The following PPIL4 variants were observed in gnomAD, a reference collection of about 807,000 sequenced individuals.
PPIL4 encodes the protein peptidylprolyl isomerase like 4, also known as peptidyl-prolyl cis-trans isomerase-like 4.
A neutral mutation model predicts 69.1 loss-of-function variants in PPIL4; 50 were observed. The ratio of observed to expected loss-of-function variants is 0.72; its 90% confidence interval spans 0.58 to 0.92. The LOEUF (loss-of-function observed/expected upper bound fraction) is 0.92. Ranked by LOEUF, PPIL4 falls within the 40% of genes least tolerant of loss-of-function variation. PPIL4 has a pLI of 0.00. For missense variants in PPIL4, 480 were observed against 587.9 expected, an observed-to-expected ratio of 0.82 and a Z score of 1.90; for synonymous variants, 193 against 191.6, an observed-to-expected ratio of 1.01 and a Z score of -0.06.
At chr6:149,544,621 T>A (rs1161283057) in intron 1 of PPIL4, among the ~76,000 whole-genome samples, 1 of 152,212 alleles carries the variant, frequency 6.6e-6, no homozygotes, top group Admixed American at 6.5e-5. Context: ...CTCAGGTAAC[T>A]CTGCTTAGAA....
intron 10 of PPIL4, among the ~76,000 whole-genome samples, chr6:149,519,204 T>TC (rs1249669065): frequency 6.6e-6 from 1 of 152,198 alleles, no homozygotes; most frequent in African/African-American, 2.4e-5. Context: ...AAACCAAATG[T>TC]AGGGTCTGTC....
At chr6:149,529,625 C>T (rs182104945) in intron 7 of PPIL4, among the ~76,000 whole-genome samples, 32 of 147,242 alleles carry the variant, frequency 2.2e-4, no homozygotes, top group African/African-American at 7.5e-4. Flanking sequence ...TAGCCGGGCG[C>T]GGTGGCACGT....
At chr6:149,511,810 A>C (rs372129961) in intron 12 of PPIL4, among the ~76,000 whole-genome samples, 32 of 152,308 alleles carry the variant, frequency 2.1e-4, no homozygotes, top group African/African-American at 7.5e-4. Flanking sequence ...TATACATAAC[A>C]CTTGGTGATA....
Position 149,504,895 on chromosome 6 carries a change from G to A in PPIL4, c.*558C>T, listed in dbSNP as rs1776744250. On this transcript the variant is annotated 3_prime_UTR_variant, in exon 13 of 13. Transcript: ENST00000253329. ...TAGTATATTTATATAATACTATATA[G>A]CAATAAAAATGAAAGAAAGTCACAG... 1 of 152,388 alleles carries A rather than the reference G, an allele frequency of 6.6e-6. No homozygotes were observed. Among genetic ancestry groups the A allele is most frequent in the Middle Eastern group, 3.4e-3 (1 of 294 alleles). The allele number at this position is 152,388 out of a possible 1,614,324, so 9.4% of individuals were successfully genotyped here. A position where few individuals can be genotyped will look rare whatever the true frequency, so the allele number is the denominator to read the frequency against.
intron 4 of PPIL4, among the ~76,000 whole-genome samples, chr6:149,539,059 C>G (rs553327154): frequency 7.9e-5 from 12 of 152,130 alleles, no homozygotes; most frequent in Admixed American, 6.5e-5. Flanking sequence ...ACTGGTCAGG[C>G]TGGTCACAAA....
intron 4 of PPIL4, among the ~76,000 whole-genome samples, chr6:149,537,125 CAAAAA>C (rs767886058): frequency 1.1e-5 from 1 of 91,536 alleles, no homozygotes. Context: ...GAATCTGTCT[CAAAAA>C]AAAAAAAAAA....
intron 4 of PPIL4, among the ~76,000 whole-genome samples, chr6:149,537,207 T>G (rs1777291535): frequency 6.6e-6 from 1 of 151,766 alleles, no homozygotes; most frequent in Admixed American, 6.6e-5. Context: ...GATGACTTCA[T>G]GAAATAACAA....
chr6:149,539,381 CTTATTTAT>C (rs554531179), intron 4 of PPIL4, among the ~76,000 whole-genome samples: 1 of 151,946 alleles, frequency 6.6e-6, no homozygotes, highest in Middle Eastern at 3.2e-3. Context: ...CTTCTGTTGT[CTTATTTAT>C]TTATTTATTT....
At chr6:149,530,408 C>A (rs968873664) in intron 7 of PPIL4, among the ~76,000 whole-genome samples, 1 of 150,328 alleles carries the variant, frequency 6.7e-6, no homozygotes, top group Non-Finnish European at 1.5e-5. Flanking sequence ...CACCTGTAAT[C>A]CCAGCACTTT....
chr6:149,512,140 G>T lies in PPIL4; in HGVS notation c.1227+15C>A. ...TATTTATTTCTCCACATCTAAGTCT[G>T]GACATTAGAGGTACCTGATTAGTAT... On this transcript the variant is annotated intron_variant, in intron 12 of 12. Coordinates refer to ENST00000253329, the MANE Select transcript of PPIL4 (RefSeq NM_139126.4). The T allele has an allele frequency of 6.3e-7, 1 of 1,578,222 alleles. No individual in the cohort carries two copies. The highest frequency in any genetic ancestry group is 8.6e-7 in the Non-Finnish European group (1 of 1,157,840).
At chr6:149,510,501 T>C (rs1269812350) in intron 12 of PPIL4, among the ~76,000 whole-genome samples, 2 of 152,162 alleles carry the variant, frequency 1.3e-5, no homozygotes, top group African/African-American at 4.8e-5. Flanking sequence ...CCCAGCACTT[T>C]GGGAGGCTGA....
At chr6:149,505,821 G>T in intron 12 of PPIL4, 117 bp from the exon 13 acceptor site, 2 of 796,958 alleles carry the variant, frequency 2.5e-6, no homozygotes, top group Non-Finnish European at 4.0e-6. Context: ...CAGCTTAAAT[G>T]TGAACACTAC....
chr6:149,511,243 A>AT (rs974723016), intron 12 of PPIL4, among the ~76,000 whole-genome samples: 11 of 150,104 alleles, frequency 7.3e-5, no homozygotes, highest in South Asian at 2.1e-4. Flanking sequence ...AAAAAAAAAA[A>AT]TTTTTTTTGG....
chr6:149,532,682 T>C (rs1777217047), intron 7 of PPIL4, among the ~76,000 whole-genome samples: 1 of 152,144 alleles, frequency 6.6e-6, no homozygotes, highest in Non-Finnish European at 1.5e-5. Context: ...GGCATTGTGG[T>C]GTGTGACTGT....
chr6:149,531,480 G>C (rs1476382168), intron 7 of PPIL4, among the ~76,000 whole-genome samples: 1 of 149,012 alleles, frequency 6.7e-6, no homozygotes, highest in Non-Finnish European at 1.5e-5. Flanking sequence ...AGGTTGCAGT[G>C]AGCCGAGATC....
chr6:149,543,323 A>G (rs1208539610), intron 1 of PPIL4, among the ~76,000 whole-genome samples: 3 of 152,242 alleles, frequency 2.0e-5, no homozygotes, highest in Non-Finnish European at 4.4e-5. Flanking sequence ...CACCCAGTAA[A>G]TAATCAGTCG....
chr6:149,524,832 C>T (rs1211915852), intron 9 of PPIL4, among the ~76,000 whole-genome samples: 3 of 151,640 alleles, frequency 2.0e-5, no homozygotes, highest in African/African-American at 4.9e-5. Context: ...AACCAGGAGG[C>T]GGAGGCTGCA....
At chr6:149,532,422 CA>C (rs1203893473) in intron 7 of PPIL4, among the ~76,000 whole-genome samples, 21 of 152,142 alleles carry the variant, frequency 1.4e-4, no homozygotes, top group African/African-American at 5.1e-4. Context: ...AATTGTTCAA[CA>C]TATCTTTCAA....
At chr6:149,519,358 T>C (rs1776994701) in intron 10 of PPIL4, among the ~76,000 whole-genome samples, 1 of 152,200 alleles carries the variant, frequency 6.6e-6, no homozygotes, top group Admixed American at 6.5e-5. Context: ...AGCAGAGCTC[T>C]ACATAAGAGC....
Sources: gnomAD v4.1 joint callset for allele counts (sites outside exome capture counted in the v4.1 genomes callset) on GRCh38, gnomAD v4.1.1 for gene constraint, MANE v1.5 for transcripts, NCBI Gene and HGNC (gene_info 2026-07-23, HGNC 2026-07-21) for gene names.